ZNF578: variants seen among roughly 807,000 people sequenced by gnomAD.
ZNF578 encodes zinc finger protein 578, also known as Putative chemokine-related protein B42.
A neutral mutation model predicts 8.3 loss-of-function variants in ZNF578; 8 were observed. That is an observed-to-expected ratio of 0.96 (90% confidence interval 0.56 to 1.74). The LOEUF is 1.74. ZNF578 is among the 40% of genes most tolerant of loss of function. ZNF578 has a pLI of 0.00. For synonymous variants in ZNF578, 206 were observed against 232.2 expected (o/e 0.89, Z 1.03); for missense variants, 726 against 707.5 (o/e 1.03, Z -0.30).
At chr19:52,459,759 A>G (rs1220833508) in intron 2 of ZNF578, among the ~76,000 whole-genome samples, 3 of 13,092 alleles carry the variant, frequency 2.3e-4, no homozygotes, top group African/African-American at 4.4e-4. Context: ...GTGTATATAT[A>G]TATATATATA....
At chr19:52,500,984 T>C (rs2059405091) in intron 3 of ZNF578, among the ~76,000 whole-genome samples, 1 of 151,726 alleles carries the variant, frequency 6.6e-6, no homozygotes, top group Admixed American at 6.6e-5. Flanking sequence ...CTTCAAGCAA[T>C]TCTCCTGCCT....
intron 2 of ZNF578, chr19:52,458,929 A>T (rs900849800): frequency 1.3e-5 from 2 of 152,160 alleles, no homozygotes; most frequent in African/African-American, 4.8e-5. Flanking sequence ...AGGTTCTTAC[A>T]TATTTGGAAA....
chr19:52,463,946 GATTAT>G lies in ZNF578; in HGVS notation c.-122+6989_-122+6993del, dbSNP rs567794831. 1.8e-3 allele frequency among the ~76,000 whole-genome samples: 274 copies of G among 152,282 alleles called. 1 individual carries two copies. The highest frequency in any genetic ancestry group is 6.2e-3 in the African/African-American group (256 of 41,556). The stretch of plus-strand genomic sequence containing the variant: ...TGGAAAGTTTTATTTTTAGGATAAT[GATTAT>G]CAATACATCCAACAAATTCCGCTAA... On this transcript the variant is annotated intron_variant, in intron 2 of 5. Coordinates refer to ENST00000421239, the MANE Select transcript of ZNF578 (RefSeq NM_001099694.2).
rs1265813389 is a variant in ZNF578, at chr19:52,511,506, G to A, written c.1125G>A (p.Glu375=). The A allele has an allele frequency of 6.2e-7, 1 of 1,613,500 alleles. No individual in the cohort carries two copies. The highest frequency in any genetic ancestry group is 1.1e-5 in the South Asian group (1 of 91,076). Residue 375 remains glutamate (E), a synonymous_variant, in exon 6 of 6, where the codon GAG becomes GAA. Coordinates refer to ENST00000421239, the MANE Select transcript of ZNF578 (RefSeq NM_001099694.2). ...GAATAAAACCTTACAAGTGTAATGA[G>A]TGTGGCAAGATGTTTGGTCAAAATT... The part of the protein sequence containing the change: ...HTGIKPYKCN[E]CGKMFGQNST...
intron 2 of ZNF578, among the ~76,000 whole-genome samples, chr19:52,485,216 T>A (rs2059340721): frequency 6.6e-6 from 1 of 152,100 alleles, no homozygotes; most frequent in Admixed American, 6.5e-5. Flanking sequence ...CTTTTGTGCT[T>A]TTGTCATCCA....
chr19:52,505,999 G>C (rs549872526), intron 5 of ZNF578, among the ~76,000 whole-genome samples: 1 of 151,810 alleles, frequency 6.6e-6, no homozygotes, highest in Non-Finnish European at 1.5e-5. Flanking sequence ...TTGGATTCAA[G>C]TGATTCTCCT....
chr19:52,479,048 G>A (rs1025155380), intron 2 of ZNF578, among the ~76,000 whole-genome samples: 4 of 151,940 alleles, frequency 2.6e-5, no homozygotes, highest in Admixed American at 2.6e-4. Context: ...CTCCTGCTCT[G>A]TCCCAATTTT....
At chr19:52,464,298 T>C (rs2059267626) in intron 2 of ZNF578, among the ~76,000 whole-genome samples, 1 of 152,214 alleles carries the variant, frequency 6.6e-6, no homozygotes, top group Non-Finnish European at 1.5e-5. Context: ...CAATTACTCT[T>C]AACTTTTTCA....
intron 5 of ZNF578, 37 bp downstream of exon 5, chr19:52,504,818 T>A (rs1351012721): frequency 6.2e-7 from 1 of 1,611,776 alleles, no homozygotes; most frequent in Non-Finnish European, 8.5e-7. Context: ...AGGAGTCTGC[T>A]CTTGTCTGTC....
chr19:52,468,235 G>T (rs957510300), intron 2 of ZNF578, among the ~76,000 whole-genome samples: 7 of 152,086 alleles, frequency 4.6e-5, no homozygotes, highest in Non-Finnish European at 8.8e-5. Flanking sequence ...TTGGAAAAAT[G>T]CTCTTCTAGT....
At chr19:52,475,196 C>G in intron 2 of ZNF578, 4 of 227,020 alleles carry the variant, frequency 1.8e-5, no homozygotes, top group Non-Finnish European at 1.9e-5. Context: ...TGAAGACACT[C>G]TAAAGACTTT....
rs2059419273 is a variant in ZNF578 at position 52,504,716 on chromosome 19, A to G, written c.125A>G (p.Asn42Ser). ...EFSLAEWKFLNPAQRALYREV... is the reference protein window; with the variant it reads ...EFSLAEWKFLSPAQRALYREV... ...TCATTGGCAGAGTGGAAATTCCTGA[A>G]CCCTGCGCAGAGGGCTTTGTACAGG... The change falls in exon 5 of 6, where the codon AAC becomes AGC. Residue 42 changes from asparagine (N) to serine (S), a missense_variant. By Grantham distance (46) the Asn-to-Ser change is conservative. Coordinates refer to ENST00000421239, the MANE Select transcript of ZNF578 (RefSeq NM_001099694.2). 10 of 1,613,944 alleles carry G rather than the reference A, an allele frequency of 6.2e-6. No homozygotes were observed. The highest frequency in any genetic ancestry group is 1.3e-5 in the African/African-American group (1 of 74,886).
chr19:52,505,468 G>A (rs1412685558), intron 5 of ZNF578, among the ~76,000 whole-genome samples: 1 of 151,968 alleles, frequency 6.6e-6, no homozygotes, highest in Non-Finnish European at 1.5e-5. Flanking sequence ...TTTCACCCAG[G>A]CCGACTGCAG....
At chr19:52,460,988 CA>C (rs1366045384) in intron 2 of ZNF578, among the ~76,000 whole-genome samples, 1 of 152,134 alleles carries the variant, frequency 6.6e-6, no homozygotes, top group East Asian at 1.9e-4. Flanking sequence ...AGACTAAAAG[CA>C]AACAGCATAA....
chr19:52,496,708 G>A (rs1454242686), intron 3 of ZNF578, among the ~76,000 whole-genome samples: 1 of 151,484 alleles, frequency 6.6e-6, no homozygotes, highest in East Asian at 1.9e-4. Flanking sequence ...GCGCAATCTC[G>A]GTCACTGCAA....
At chr19:52,470,914 T>C (rs981091309) in intron 2 of ZNF578, among the ~76,000 whole-genome samples, 2 of 151,900 alleles carry the variant, frequency 1.3e-5, no homozygotes, top group African/African-American at 4.8e-5. Flanking sequence ...TGGTGGGAGG[T>C]GATTTGATCA....
intron 2 of ZNF578, among the ~76,000 whole-genome samples, chr19:52,477,722 G>A (rs2615583): frequency 0.014 from 2,139 of 151,898 alleles, 49 homozygotes; most frequent in African/African-American, 0.048. Context: ...ATCTTGACAA[G>A]CTCTGAGAAA....
chr19:52,487,657 G>T (rs1371998423), intron 2 of ZNF578, among the ~76,000 whole-genome samples: 1 of 152,128 alleles, frequency 6.6e-6, no homozygotes, highest in East Asian at 1.9e-4. Flanking sequence ...TTGAGACAGG[G>T]TACGGCTCTA....
intron 3 of ZNF578, among the ~76,000 whole-genome samples, chr19:52,501,376 C>A (rs1447643653): frequency 6.6e-6 from 1 of 152,200 alleles, no homozygotes; most frequent in Non-Finnish European, 1.5e-5. Flanking sequence ...GATTCTTATT[C>A]TGACGGGATG....
Sources: allele counts gnomAD v4.1 joint callset (sites outside exome capture counted in the v4.1 genomes callset), GRCh38; gene constraint gnomAD v4.1.1; transcripts MANE v1.5; gene names NCBI Gene and HGNC (gene_info 2026-07-23, HGNC 2026-07-21).